The following DRD2 variants were observed in gnomAD, a reference collection of about 807,000 sequenced individuals.
DRD2 encodes D(2) dopamine receptor.
Under a neutral mutation model 38.0 loss-of-function variants are expected in DRD2, and 8 were observed. The observed-to-expected ratio is 0.21, with a 90% CI of 0.12 to 0.38. The LOEUF (loss-of-function observed/expected upper bound fraction) is 0.38, where lower values mean the gene tolerates loss of function less well. Ranked by LOEUF, DRD2 falls within the 10% of genes least tolerant of loss-of-function variation. The pLI, the probability that DRD2 is intolerant of heterozygous loss-of-function variation, is 1.00. For missense variants in DRD2, 403 were observed against 607.7 expected (o/e 0.66, Z 3.54); for synonymous variants, 230 against 238.6 (o/e 0.96, Z 0.33).
Position 113,451,362 on chromosome 11 carries a change from T to C in DRD2, c.-32+23714A>G, listed in dbSNP as rs541133315. On this transcript the variant is annotated intron_variant, in intron 1 of 7. Coordinates refer to ENST00000362072, the MANE Select transcript of DRD2 (RefSeq NM_000795.4). ...GTGATTTCCATCCAGTAGAGAAGATTGTCCAAAGCCTTATGATTTTGTTGC... is the reference window on the plus strand; with the variant it reads ...GTGATTTCCATCCAGTAGAGAAGATCGTCCAAAGCCTTATGATTTTGTTGC... 2.0e-5 allele frequency among the ~76,000 whole-genome samples: 3 copies of C among 152,308 alleles called. No individual in the cohort carries two copies. The East Asian group carries it at 5.8e-4, about 29-fold the overall frequency.
intron 1 of DRD2, among the ~76,000 whole-genome samples, chr11:113,452,467 TGTGCGCGCGCGC>T (rs1055070483): frequency 4.3e-4 from 39 of 91,154 alleles, no homozygotes; most frequent in African/African-American, 1.2e-3. Flanking sequence ...TGTGTGTGTG[TGTGCGCGCGCGC>T]GCGCGCGCAC....
At chr11:113,430,063 G>A (rs1210017121) in intron 1 of DRD2, among the ~76,000 whole-genome samples, 1 of 152,198 alleles carries the variant, frequency 6.6e-6, no homozygotes, top group African/African-American at 2.4e-5. Flanking sequence ...ACTAGGGTCT[G>A]AGGTCCTCCT....
chr11:113,457,501 G>A (rs116847107), intron 1 of DRD2, among the ~76,000 whole-genome samples: 4 of 151,988 alleles, frequency 2.6e-5, no homozygotes, highest in Middle Eastern at 3.4e-3. Context: ...CAATAGAACC[G>A]GCCTCACTGG....
chr11:113,464,987 C>G (rs1192291534), intron 1 of DRD2, among the ~76,000 whole-genome samples: 1 of 152,192 alleles, frequency 6.6e-6, no homozygotes, highest in African/African-American at 2.4e-5. Context: ...CTTCCTACCT[C>G]CACTGCCCCT....
intron 1 of DRD2, among the ~76,000 whole-genome samples, chr11:113,447,024 A>G (rs1951157221): frequency 6.6e-6 from 1 of 152,210 alleles, no homozygotes; most frequent in Non-Finnish European, 1.5e-5. Context: ...AGACAAGAAG[A>G]GGGCTGCACA....
Position 113,417,626 on chromosome 11 carries a change from C to T in DRD2, c.395+401G>A, listed in dbSNP as rs370991289. Among the ~76,000 whole-genome samples, 130 of 152,304 alleles carry T rather than the reference C, an allele frequency of 8.5e-4. 4 individuals carry two copies. The South Asian group carries it at 0.027, about 31-fold the overall frequency. ...GTGCCAAGGACATAAAATGCATAAC[C>T]AGATACTGCAGCTCCAGGCCACAGG... On this transcript the variant is annotated intron_variant, in intron 3 of 7. Transcript: ENST00000362072.
intron 1 of DRD2, among the ~76,000 whole-genome samples, chr11:113,458,994 G>A (rs528576449): frequency 6.6e-6 from 1 of 152,306 alleles, no homozygotes; most frequent in South Asian, 2.1e-4. Flanking sequence ...AGCATATGTA[G>A]AAAATATGAT....
intron 1 of DRD2, among the ~76,000 whole-genome samples, chr11:113,466,181 G>A (rs145629344): frequency 6.6e-6 from 1 of 152,178 alleles, no homozygotes; most frequent in South Asian, 2.1e-4. Context: ...GAGGGACAGG[G>A]GATGCATAGC....
intron 1 of DRD2, among the ~76,000 whole-genome samples, chr11:113,438,054 C>T (rs1951055255): frequency 1.3e-5 from 2 of 152,284 alleles, no homozygotes; most frequent in Admixed American, 6.5e-5. Flanking sequence ...ACAGGCTGTG[C>T]ACCCACTGCT....
intron 1 of DRD2, among the ~76,000 whole-genome samples, chr11:113,450,953 C>T (rs1315777413): frequency 6.6e-6 from 1 of 152,064 alleles, no homozygotes; most frequent in African/African-American, 2.4e-5. Context: ...GACACTAATT[C>T]CTGGAGACCC....
chr11:113,462,535 G>A (rs1014512332), intron 1 of DRD2, among the ~76,000 whole-genome samples: 5 of 152,250 alleles, frequency 3.3e-5, no homozygotes, highest in East Asian at 3.9e-4. Context: ...GCCAAGGAGC[G>A]CCAGGAGCCA....
At chr11:113,441,225 T>C (rs1331370051) in intron 1 of DRD2, among the ~76,000 whole-genome samples, 1 of 152,174 alleles carries the variant, frequency 6.6e-6, no homozygotes, top group African/African-American at 2.4e-5. Context: ...GACCATAACA[T>C]GGAATCAACC....
intron 4 of DRD2, among the ~76,000 whole-genome samples, chr11:113,416,652 C>T (rs1950830391): frequency 6.6e-6 from 1 of 152,198 alleles, no homozygotes; most frequent in East Asian, 1.9e-4. Context: ...TCCGTTGTGT[C>T]CTGGGCCACT....
At chr11:113,424,243 G>T in intron 2 of DRD2, 124 bp downstream of exon 2, 1 of 1,132,554 alleles carries the variant, frequency 8.8e-7, no homozygotes. Context: ...CAGAGTGAAG[G>T]AAAAACCACC....
intron 6 of DRD2, chr11:113,413,722 A>G (rs1011695299): frequency 1.8e-5 from 4 of 219,580 alleles, no homozygotes; most frequent in Admixed American, 5.0e-5. Context: ...CCTGTTCTCC[A>G]TCCCTCTGGA....
chr11:113,430,604 C>G (rs575970419), intron 1 of DRD2, among the ~76,000 whole-genome samples: 2 of 152,374 alleles, frequency 1.3e-5, no homozygotes, highest in East Asian at 3.9e-4. Flanking sequence ...CCATCCCTCC[C>G]TTTTGTCCTT....
rs79723153 is a variant in DRD2 at position 113,424,977 on chromosome 11, G to A, written c.-31-295C>T. On this transcript the variant is annotated intron_variant, in intron 1 of 7. Transcript: ENST00000362072. ...CATTCAACAAACACTTCTTAAGCAC[G>A]ACCCATGCACCACACACTTCAGTTA... The A allele has an allele frequency of 7.1e-3, 2,907 of 407,216 alleles. 75 individuals carry two copies. Among genetic ancestry groups the A allele is most frequent in the African/African-American group, 0.051 (2,497 of 49,434 alleles). 25.2% of individuals were successfully genotyped at this position (407,216 alleles called of 1,614,324 possible).
intron 2 of DRD2, among the ~76,000 whole-genome samples, chr11:113,420,332 A>G (rs1950873564): frequency 2.0e-5 from 3 of 152,340 alleles, no homozygotes; most frequent in Admixed American, 2.0e-4. Flanking sequence ...CTTCATGGAC[A>G]TCTTAAATCT....
chr11:113,473,261 A>G (rs1345198774), intron 1 of DRD2, among the ~76,000 whole-genome samples: 1 of 152,204 alleles, frequency 6.6e-6, no homozygotes, highest in Non-Finnish European at 1.5e-5. Flanking sequence ...CAGACTCTCT[A>G]AGGAGTCTCA....
Sources: allele counts gnomAD v4.1 joint callset (sites outside exome capture counted in the v4.1 genomes callset), GRCh38; gene constraint gnomAD v4.1.1; transcripts MANE v1.5; gene names NCBI Gene and HGNC (gene_info 2026-07-23, HGNC 2026-07-21).